The following EPHA4 variants were observed in gnomAD, a reference collection of about 807,000 sequenced individuals.
EPHA4 encodes ephrin type-A receptor 4.
In EPHA4, 19 loss-of-function variants were observed where a neutral mutation model predicts 108.3. The ratio of observed to expected loss-of-function variants is 0.18; its 90% confidence interval spans 0.12 to 0.26. EPHA4 has a LOEUF of 0.26. Ranked by LOEUF, EPHA4 falls within the 10% of genes least tolerant of loss-of-function variation. The pLI, the probability that EPHA4 is intolerant of heterozygous loss-of-function variation, is 1.00. For missense variants in EPHA4, 917 were observed against 1,254.0 expected, an observed-to-expected ratio of 0.73 and a Z score of 4.06; for synonymous variants, 449 against 455.5, an observed-to-expected ratio of 0.99 and a Z score of 0.18.
chr2:221,514,913 G>A (rs1171399124), intron 3 of EPHA4, among the ~76,000 whole-genome samples: 1 of 152,112 alleles, frequency 6.6e-6, no homozygotes, highest in African/African-American at 2.4e-5. Context: ...AAGAGAAACA[G>A]ATCAGGCTTA....
chr2:221,446,313 G>A (rs1342607585), intron 8 of EPHA4, 132 bp from the exon 9 acceptor site: 1 of 417,488 alleles, frequency 2.4e-6, no homozygotes, highest in Non-Finnish European at 4.1e-6. Flanking sequence ...TGAGAAAACT[G>A]AGACTTACAA....
rs201569213 is a variant in EPHA4, at chr2:221,566,967, G to GA, written c.159+1750dup. 3.4e-3 allele frequency among the ~76,000 whole-genome samples: 324 copies of GA among 94,876 alleles called. 92 individuals carry two copies. The highest frequency in any genetic ancestry group is 6.8e-3 in the Middle Eastern group (1 of 148). 62.2% of individuals were successfully genotyped at this position (94,876 alleles called of 152,430 possible). A position where few individuals can be genotyped will look rare whatever the true frequency, so the allele number is the denominator to read the frequency against. On this transcript the variant is annotated intron_variant, in intron 2 of 17. Transcript: ENST00000281821. Reference sequence around the variant, plus strand: ...AGGAGAAGGAGAAGGGGAAGAGGAAGAGGAAGAAGAAGAAGAAGAAGAAGA... The same window carrying GA: ...AGGAGAAGGAGAAGGGGAAGAGGAAGAAGGAAGAAGAAGAAGAAGAAGAAGA...
chr2:221,530,211 C>A (rs532324959), intron 3 of EPHA4, among the ~76,000 whole-genome samples: 1 of 150,558 alleles, frequency 6.6e-6, no homozygotes, highest in African/African-American at 2.4e-5. Flanking sequence ...AAGCCCAAAT[C>A]TTTTACGATG....
At chr2:221,446,795 T>C (rs899179409) in intron 8 of EPHA4, among the ~76,000 whole-genome samples, 3 of 152,220 alleles carry the variant, frequency 2.0e-5, no homozygotes, top group African/African-American at 7.2e-5. Context: ...TAAAAGTAAG[T>C]ATTTGCTTTG....
intron 8 of EPHA4, among the ~76,000 whole-genome samples, chr2:221,450,599 A>G (rs912933384): frequency 4.6e-5 from 7 of 152,170 alleles, no homozygotes; most frequent in Non-Finnish European, 7.3e-5. Flanking sequence ...CTAACTCACC[A>G]TGTGACCTTC....
chr2:221,525,958 G>A (rs765898250), intron 3 of EPHA4, among the ~76,000 whole-genome samples: 1 of 152,122 alleles, frequency 6.6e-6, no homozygotes, highest in Non-Finnish European at 1.5e-5. Context: ...TTGAGGTTTA[G>A]CAAAGGTCCA....
intron 3 of EPHA4, among the ~76,000 whole-genome samples, chr2:221,514,790 T>C (rs189848165): frequency 1.2e-3 from 183 of 152,186 alleles, no homozygotes; most frequent in Admixed American, 2.7e-3. Flanking sequence ...AACAAGACCA[T>C]GATGTTGACA....
chr2:221,514,148 A>G (rs1436261116), intron 3 of EPHA4, among the ~76,000 whole-genome samples: 1 of 151,768 alleles, frequency 6.6e-6, no homozygotes, highest in East Asian at 1.9e-4. Context: ...TTGATGGGTC[A>G]TTGTCCCAAG....
At position 221,425,861 on chromosome 2, in the gene EPHA4, A is replaced by T; in HGVS notation, c.*167T>A. On this transcript the variant is annotated 3_prime_UTR_variant, in exon 17 of 18. Transcript: ENST00000281821. Reference sequence around the variant, plus strand: ...ACCGGCAGTCATTTCTGTAAGCCCCACAGTTTCAGCAATCTGTGCACCAAG... The same window carrying T: ...ACCGGCAGTCATTTCTGTAAGCCCCTCAGTTTCAGCAATCTGTGCACCAAG... The T allele has an allele frequency of 1.6e-6, 1 of 629,646 alleles. No homozygotes were observed. Among genetic ancestry groups the T allele is most frequent in the South Asian group, 2.0e-5 (1 of 49,496 alleles). 39.0% of individuals were successfully genotyped at this position (629,646 alleles called of 1,614,324 possible).
At chr2:221,552,762 A>G in intron 3 of EPHA4, among the ~76,000 whole-genome samples, 1 of 152,226 alleles carries the variant, frequency 6.6e-6, no homozygotes, top group East Asian at 1.9e-4. Flanking sequence ...ATGTAGAAAG[A>G]TGTCCTAAAA....
At chr2:221,460,611 C>T (rs919502) in intron 5 of EPHA4, among the ~76,000 whole-genome samples, 99,269 of 152,028 alleles carry the variant, frequency 0.65, 34,047 homozygotes, top group East Asian at 0.79. Context: ...AAAATCTGGG[C>T]TTTGCCATAC....
intron 9 of EPHA4, among the ~76,000 whole-genome samples, chr2:221,445,157 T>C (rs971105476): frequency 6.6e-6 from 1 of 152,206 alleles, no homozygotes; most frequent in Non-Finnish European, 1.5e-5. Flanking sequence ...TTCTCAGTCA[T>C]ATTAGCTACA....
chr2:221,470,689 A>G (rs1173887888), intron 5 of EPHA4, among the ~76,000 whole-genome samples: 1 of 151,852 alleles, frequency 6.6e-6, no homozygotes, highest in Non-Finnish European at 1.5e-5. Context: ...CTTGCTTGCT[A>G]TGTAGACAAG....
chr2:221,477,133 G>T (rs558029927), intron 5 of EPHA4, among the ~76,000 whole-genome samples: 1 of 152,064 alleles, frequency 6.6e-6, no homozygotes, highest in African/African-American at 2.4e-5. Flanking sequence ...AACAAGCAGC[G>T]CCCGTTCATC....
intron 7 of EPHA4, 58 bp from the exon 8 acceptor site, chr2:221,455,716 CT>C (rs1431504962): frequency 1.6e-6 from 2 of 1,240,350 alleles, no homozygotes; most frequent in African/African-American, 1.5e-5. Context: ...GGTAGAACTT[CT>C]GAATGGGTCA....
intron 5 of EPHA4, among the ~76,000 whole-genome samples, chr2:221,478,819 AG>A (rs1691735278): frequency 3.8e-5 from 2 of 52,032 alleles, no homozygotes; most frequent in Non-Finnish European, 8.8e-5. Flanking sequence ...GCAGGTAGCC[AG>A]CTGGGCTGCA....
intron 3 of EPHA4, among the ~76,000 whole-genome samples, chr2:221,539,952 C>G (rs1188360226): frequency 6.6e-6 from 1 of 152,156 alleles, no homozygotes; most frequent in Non-Finnish European, 1.5e-5. Flanking sequence ...GAGTCTCACT[C>G]TGTTGCCCAG....
intron 8 of EPHA4, among the ~76,000 whole-genome samples, chr2:221,449,887 C>A (rs1417544343): frequency 6.6e-6 from 1 of 152,202 alleles, no homozygotes; most frequent in African/African-American, 2.4e-5. Context: ...ACTAGCATGG[C>A]TCCAGGAGGT....
intron 3 of EPHA4, among the ~76,000 whole-genome samples, chr2:221,514,095 A>AGG (rs1491317879): frequency 2.9e-5 from 3 of 103,480 alleles, no homozygotes; most frequent in African/African-American, 5.6e-5. Context: ...AGCCGGGGGG[A>AGG]GGGGGTTTGA....
Sources: gnomAD v4.1 joint callset for allele counts (sites outside exome capture counted in the v4.1 genomes callset) on GRCh38, gnomAD v4.1.1 for gene constraint, MANE v1.5 for transcripts, NCBI Gene and HGNC (gene_info 2026-07-23, HGNC 2026-07-21) for gene names.